The following CCDC171 variants were observed in gnomAD, a reference collection of about 807,000 sequenced individuals.
CCDC171 encodes the protein coiled-coil domain containing 171.
In CCDC171, 177 loss-of-function variants were observed where a neutral mutation model predicts 168.2. That is an observed-to-expected ratio of 1.05 (90% CI 0.93 to 1.19). The LOEUF is 1.19. Among genes scored for constraint, CCDC171 ranks in the 50% most tolerant of loss-of-function variants. The pLI is 0.00. For synonymous variants in CCDC171, 687 were observed against 540.8 expected (o/e 1.27, Z -3.75); for missense variants, 1,991 against 1,539.0 (o/e 1.29, Z -4.91).
At chr9:15,578,746 C>T in intron 3 of CCDC171, 103 bp from the exon 4 acceptor site, 3 of 808,934 alleles carry the variant, frequency 3.7e-6, no homozygotes, top group African/African-American at 1.8e-5. Flanking sequence ...AAATTTTTGC[C>T]TTGTATATAT....
chr9:15,584,256 T>A (rs981925556), intron 4 of CCDC171, among the ~76,000 whole-genome samples: 1 of 152,230 alleles, frequency 6.6e-6, no homozygotes, highest in Non-Finnish European at 1.5e-5. Flanking sequence ...TTTTTGATTA[T>A]GTAGAGAAGA....
intron 11 of CCDC171, among the ~76,000 whole-genome samples, chr9:15,702,285 G>T (rs1040533817): frequency 5.3e-5 from 8 of 152,000 alleles, no homozygotes; most frequent in Admixed American, 5.2e-4. Flanking sequence ...CAAAAATCCT[G>T]TGGCCCTTAA....
intron 25 of CCDC171, among the ~76,000 whole-genome samples, chr9:15,970,329 A>G (rs1454909207): frequency 6.6e-6 from 1 of 152,192 alleles, no homozygotes; most frequent in African/African-American, 2.4e-5. Context: ...ATAACATGAC[A>G]TAATAAAGCA....
intron 24 of CCDC171, among the ~76,000 whole-genome samples, chr9:15,919,394 T>C (rs961535901): frequency 5.9e-5 from 9 of 151,740 alleles, no homozygotes; most frequent in African/African-American, 1.9e-4. Flanking sequence ...TAAGATAGAA[T>C]GTAATTTGCA....
At chr9:16,001,080 T>C (rs947309823) in intron 3 of CCDC171, among the ~76,000 whole-genome samples, 1 of 152,186 alleles carries the variant, frequency 6.6e-6, no homozygotes, top group Non-Finnish European at 1.5e-5. Context: ...AGCTAATGCA[T>C]TGATTTATAA....
At chr9:15,683,437 G>C (rs891342597) in intron 10 of CCDC171, among the ~76,000 whole-genome samples, 10 of 151,842 alleles carry the variant, frequency 6.6e-5, no homozygotes, top group Non-Finnish European at 1.2e-4. Flanking sequence ...CAAAACTAAT[G>C]GGCTAATAAA....
chr9:15,985,377 C>A (rs1315463556), intron 3 of CCDC171, among the ~76,000 whole-genome samples: 2 of 152,118 alleles, frequency 1.3e-5, no homozygotes, highest in African/African-American at 4.8e-5. Context: ...CAGTTGCTGC[C>A]TTATACTTTA....
chr9:15,570,888 C>T (rs2040171769), intron 2 of CCDC171, among the ~76,000 whole-genome samples: 1 of 152,202 alleles, frequency 6.6e-6, no homozygotes, highest in Non-Finnish European at 1.5e-5. Context: ...TTATCCTCTC[C>T]AGGGAATAAA....
intron 25 of CCDC171, among the ~76,000 whole-genome samples, chr9:15,946,485 G>C (rs910462903): frequency 6.6e-6 from 1 of 151,902 alleles, no homozygotes; most frequent in Non-Finnish European, 1.5e-5. Context: ...ACCTCTTCAA[G>C]TAGAACTACA....
intron 6 of CCDC171, among the ~76,000 whole-genome samples, chr9:15,615,881 T>G (rs1438614169): frequency 6.6e-6 from 1 of 151,474 alleles, no homozygotes; most frequent in African/African-American, 2.4e-5. Context: ...TAGGCACAAG[T>G]GATCCTCCCA....
At chr9:15,857,170 C>T (rs2061377110) in intron 23 of CCDC171, among the ~76,000 whole-genome samples, 1 of 151,790 alleles carries the variant, frequency 6.6e-6, no homozygotes, top group Non-Finnish European at 1.5e-5. Context: ...CACAGGTTGC[C>T]TTTTCATTAT....
At chr9:15,760,574 A>C (rs987471490) in intron 18 of CCDC171, among the ~76,000 whole-genome samples, 3 of 152,186 alleles carry the variant, frequency 2.0e-5, no homozygotes, top group Non-Finnish European at 4.4e-5. Flanking sequence ...TCTTTACATT[A>C]AGAAGAAATG....
At chr9:15,879,387 A>G (rs942058043) in intron 24 of CCDC171, among the ~76,000 whole-genome samples, 31 of 152,304 alleles carry the variant, frequency 2.0e-4, no homozygotes, top group African/African-American at 6.5e-4. Flanking sequence ...GCAATGATCA[A>G]TCAGGGTAAT....
intron 11 of CCDC171, among the ~76,000 whole-genome samples, chr9:15,716,882 G>A (rs530205025): frequency 3.9e-5 from 6 of 152,088 alleles, no homozygotes; most frequent in South Asian, 2.1e-4. Context: ...TTTCCAACAC[G>A]TGAACTTTGG....
At chr9:15,772,074 T>C (rs2057041915) in intron 18 of CCDC171, among the ~76,000 whole-genome samples, 2 of 152,190 alleles carry the variant, frequency 1.3e-5, no homozygotes, top group South Asian at 2.1e-4. Context: ...CCTCAAGTAA[T>C]CTGCCAGCCT....
chr9:15,742,484 T>C (rs1564323659), intron 16 of CCDC171, among the ~76,000 whole-genome samples: 1 of 152,218 alleles, frequency 6.6e-6, no homozygotes, highest in Non-Finnish European at 1.5e-5. Flanking sequence ...AAGCCAAGTG[T>C]CAAGTTTTAT....
intron 21 of CCDC171, among the ~76,000 whole-genome samples, chr9:15,833,948 G>A (rs1487958907): frequency 1.3e-5 from 2 of 152,144 alleles, no homozygotes; most frequent in Admixed American, 6.5e-5. Context: ...CAATACTGTA[G>A]TAAGACTTTC....
intron 3 of CCDC171, among the ~76,000 whole-genome samples, chr9:15,575,781 C>T (rs975427111): frequency 6.6e-6 from 1 of 152,188 alleles, no homozygotes; most frequent in Admixed American, 6.5e-5. Context: ...ATCACAGATA[C>T]ATATCACATT....
intron 23 of CCDC171, among the ~76,000 whole-genome samples, chr9:15,858,127 C>T (rs905002179): frequency 6.6e-6 from 1 of 151,948 alleles, no homozygotes; most frequent in African/African-American, 2.4e-5. Flanking sequence ...AATCAATTCT[C>T]CCGCCTCAGC....
Sources: allele counts gnomAD v4.1 joint callset (sites outside exome capture counted in the v4.1 genomes callset), GRCh38; gene constraint gnomAD v4.1.1; transcripts MANE v1.5; gene names NCBI Gene and HGNC (gene_info 2026-07-23, HGNC 2026-07-21).